The following PRKCA variants were observed in gnomAD, a reference collection of about 807,000 sequenced individuals.
The protein encoded by PRKCA is protein kinase C alpha.
Under a neutral mutation model 87.0 loss-of-function variants are expected in PRKCA, and 27 were observed. That is an observed-to-expected ratio of 0.31 (90% CI 0.23 to 0.43). PRKCA has a LOEUF of 0.43. PRKCA is among the 20% of genes least tolerant of loss of function. The probability of loss-of-function intolerance (pLI) is 1.00; values close to 1 mark genes in which losing one functional copy is unlikely to be tolerated. For missense variants in PRKCA, 518 were observed against 852.3 expected (o/e 0.61, Z 4.88); for synonymous variants, 329 against 311.1 (o/e 1.06, Z -0.61).
intron 3 of PRKCA, among the ~76,000 whole-genome samples, chr17:66,581,042 A>G (rs1241227045): frequency 1.3e-5 from 2 of 152,226 alleles, no homozygotes; most frequent in Non-Finnish European, 2.9e-5. Flanking sequence ...GGGTCAAACC[A>G]TGCTTGGCAC....
intron 3 of PRKCA, among the ~76,000 whole-genome samples, chr17:66,585,412 A>T (rs1329885792): frequency 6.6e-6 from 1 of 152,218 alleles, no homozygotes; most frequent in Non-Finnish European, 1.5e-5. Flanking sequence ...GCTCTGCTAG[A>T]AAAGAAATGA....
chr17:66,728,169 A>G lies in PRKCA; in HGVS notation c.919-4519A>G, dbSNP rs554657341. Among the ~76,000 whole-genome samples, 4 of 152,316 alleles carry G rather than the reference A, an allele frequency of 2.6e-5. No individual in the cohort carries two copies. In the South Asian group the frequency reaches 8.3e-4, roughly 32 times the overall value. ...AGGGAGTGTGTTCTGTAGTGGAAAC[A>G]GAAGTGCTGCTCTTGATTGGGGGAG... is the stretch of plus-strand genomic sequence containing the variant. On this transcript the variant is annotated intron_variant, in intron 8 of 16. Transcript: ENST00000413366.
At chr17:66,628,825 C>G (rs1460839670) in intron 3 of PRKCA, among the ~76,000 whole-genome samples, 5 of 152,084 alleles carry the variant, frequency 3.3e-5, no homozygotes, top group African/African-American at 9.7e-5. Flanking sequence ...GTCAGGAGTT[C>G]GAGACCAGCC....
chr17:66,339,571 T>C (rs1194148626), intron 2 of PRKCA, among the ~76,000 whole-genome samples: 1 of 152,234 alleles, frequency 6.6e-6, no homozygotes, highest in Non-Finnish European at 1.5e-5. Flanking sequence ...TTAGTTTTTA[T>C]TCTGTTCATT....
chr17:66,578,793 C>T (rs1260108863), intron 3 of PRKCA, among the ~76,000 whole-genome samples: 1 of 152,174 alleles, frequency 6.6e-6, no homozygotes, highest in South Asian at 2.1e-4. Context: ...CCTAACTGAC[C>T]GCCTGTCTCT....
chr17:66,354,798 CT>C (rs559667074), intron 2 of PRKCA, among the ~76,000 whole-genome samples: 6 of 151,990 alleles, frequency 3.9e-5, no homozygotes, highest in African/African-American at 9.7e-5. Context: ...AAATAAAGTA[CT>C]TTTTTTTCCT....
intron 2 of PRKCA, among the ~76,000 whole-genome samples, chr17:66,471,958 G>C (rs1336583572): frequency 6.6e-6 from 1 of 152,120 alleles, no homozygotes; most frequent in Non-Finnish European, 1.5e-5. Context: ...GTTTGATCAA[G>C]TTTAATTTCT....
chr17:66,623,612 G>A (rs1970756749), intron 3 of PRKCA, among the ~76,000 whole-genome samples: 2 of 152,176 alleles, frequency 1.3e-5, no homozygotes, highest in South Asian at 2.1e-4. Flanking sequence ...GGTGCTGGAA[G>A]CTCAACCATG....
chr17:66,618,919 A>G (rs981730754), intron 3 of PRKCA, among the ~76,000 whole-genome samples: 1 of 151,248 alleles, frequency 6.6e-6, no homozygotes, highest in African/African-American at 2.4e-5. Context: ...TCATAATTCT[A>G]TCAACTTTTA....
chr17:66,556,345 C>G (rs1465637614), intron 3 of PRKCA, among the ~76,000 whole-genome samples: 1 of 87,308 alleles, frequency 1.1e-5, no homozygotes, highest in Non-Finnish European at 2.1e-5. Flanking sequence ...TTTTTTTGGT[C>G]AAGACAATAG....
chr17:66,512,460 G>T (rs62071700), intron 3 of PRKCA, among the ~76,000 whole-genome samples: 3 of 13,714 alleles, frequency 2.2e-4, no homozygotes, highest in African/African-American at 4.7e-4. Context: ...CAAAAAAAGT[G>T]TGTGTGTGTG....
At chr17:66,480,266 C>T (rs561221665) in intron 2 of PRKCA, among the ~76,000 whole-genome samples, 1 of 152,214 alleles carries the variant, frequency 6.6e-6, no homozygotes, top group African/African-American at 2.4e-5. Context: ...ATCCCTTGGA[C>T]GCCTTCAGAT....
chr17:66,565,634 G>A (rs145491761), intron 3 of PRKCA, among the ~76,000 whole-genome samples: 27 of 152,228 alleles, frequency 1.8e-4, no homozygotes, highest in South Asian at 1.0e-3. Context: ...CTTCTCAGTC[G>A]CGGTGTTTCT....
At chr17:66,546,431 G>A (rs1968146446) in intron 3 of PRKCA, among the ~76,000 whole-genome samples, 1 of 152,154 alleles carries the variant, frequency 6.6e-6, no homozygotes, top group Non-Finnish European at 1.5e-5. Context: ...TAAGGCCTTG[G>A]CAGGGTCATG....
intron 2 of PRKCA, among the ~76,000 whole-genome samples, chr17:66,427,585 T>C (rs1912884189): frequency 6.6e-6 from 1 of 152,226 alleles, no homozygotes; most frequent in Non-Finnish European, 1.5e-5. Context: ...TTTGTACCTC[T>C]TAACTGGAGA....
At chr17:66,559,415 C>T (rs1194275800) in intron 3 of PRKCA, among the ~76,000 whole-genome samples, 1 of 134,190 alleles carries the variant, frequency 7.5e-6, no homozygotes, top group Non-Finnish European at 1.5e-5. Flanking sequence ...GTGGAGGTTG[C>T]AGTGAGCCAA....
intron 3 of PRKCA, among the ~76,000 whole-genome samples, chr17:66,610,189 C>T (rs183289650): frequency 6.6e-6 from 1 of 152,308 alleles, no homozygotes; most frequent in East Asian, 1.9e-4. Context: ...ATGCACGTTA[C>T]TTACATTTAC....
chr17:66,425,556 A>G (rs1323068475), intron 2 of PRKCA, among the ~76,000 whole-genome samples: 1 of 152,208 alleles, frequency 6.6e-6, no homozygotes, highest in Non-Finnish European at 1.5e-5. Context: ...CATGAAAAAA[A>G]TCACATTTGA....
chr17:66,775,307 G>C (rs61762768), intron 14 of PRKCA: 44,684 of 984,686 alleles, frequency 0.045, 1,503 homozygotes, highest in East Asian at 0.2. Flanking sequence ...AGATTTCTCC[G>C]CTAATTCCTC....
Sources: allele counts gnomAD v4.1 joint callset (sites outside exome capture counted in the v4.1 genomes callset), GRCh38; gene constraint gnomAD v4.1.1; transcripts MANE v1.5; gene names NCBI Gene and HGNC (gene_info 2026-07-23, HGNC 2026-07-21).